The following CYP4A11 variants were observed in gnomAD, a reference collection of about 807,000 sequenced individuals.
The protein encoded by CYP4A11 is cytochrome P450 4A11.
A neutral mutation model predicts 57.7 loss-of-function variants in CYP4A11; 52 were observed. That is an observed-to-expected ratio of 0.90 (90% confidence interval 0.72 to 1.14). CYP4A11 has a LOEUF of 1.14. Among genes scored for constraint, CYP4A11 ranks in the 50% most tolerant of loss-of-function variants. The pLI is 0.00. For synonymous variants in CYP4A11, 228 were observed against 247.1 expected, an observed-to-expected ratio of 0.92 and a Z score of 0.72; for missense variants, 641 against 642.1, an observed-to-expected ratio of 1.00 and a Z score of 0.02.
In CYP4A11 at chr1:46,930,018, G is replaced by T; in HGVS notation, c.*97C>A. On this transcript the variant is annotated 3_prime_UTR_variant, in exon 12 of 12. Transcript: ENST00000310638. The stretch of plus-strand genomic sequence containing the variant: ...CAGACTGGGGGACAGCAGGCAGGTG[G>T]GAAGAAGGGAAGGTGGGCAGACAGA... 2 of 1,419,508 alleles carry T rather than the reference G, an allele frequency of 1.4e-6. No individual in the cohort carries two copies. The highest frequency in any genetic ancestry group is 1.9e-6 in the Non-Finnish European group (2 of 1,061,582). 87.9% of individuals were successfully genotyped at this position (1,419,508 alleles called of 1,614,324 possible). A position where few individuals can be genotyped will look rare whatever the true frequency, so the allele number is the denominator to read the frequency against.
chr1:46,937,352 AG>A lies in CYP4A11; in HGVS notation c.338-7del. On this transcript the variant is annotated splice_polypyrimidine_tract_variant and splice_region_variant and intron_variant, in intron 2 of 11. Coordinates refer to ENST00000310638, the MANE Select transcript of CYP4A11 (RefSeq NM_000778.4). The stretch of plus-strand genomic sequence containing the variant: ...GGAACCATGGGATTTCGGGTCTGAA[AG>A]GCAAGAAAGGGCTTTATAGGAAACT... 1 of 1,614,032 alleles carries A rather than the reference AG, an allele frequency of 6.2e-7. No individual in the cohort carries two copies. The highest frequency in any genetic ancestry group is 8.5e-7 in the Non-Finnish European group (1 of 1,179,920).
At chr1:46,935,205 G>A (rs758614795) in intron 5 of CYP4A11, 51 bp from the exon 6 acceptor site, 29 of 1,581,214 alleles carry the variant, frequency 1.8e-5, no homozygotes, top group South Asian at 1.4e-4. Flanking sequence ...CCCATTACCC[G>A]GAAGTAGAAT....
chr1:46,940,448 T>C (rs911938243), intron 1 of CYP4A11, among the ~76,000 whole-genome samples: 1 of 152,128 alleles, frequency 6.6e-6, no homozygotes, highest in African/African-American at 2.4e-5. Flanking sequence ...ATTTTGCTGA[T>C]TGCCGGGGCA....
chr1:46,935,431 G>A (rs528940696), intron 5 of CYP4A11, 92 bp downstream of exon 5: 20 of 1,518,444 alleles, frequency 1.3e-5, no homozygotes, highest in African/African-American at 9.7e-5. Context: ...TTTGTGTGGC[G>A]GTGAGCCTTC....
intron 2 of CYP4A11, among the ~76,000 whole-genome samples, chr1:46,937,632 A>G (rs1410074850): frequency 6.6e-6 from 1 of 152,222 alleles, no homozygotes; most frequent in Non-Finnish European, 1.5e-5. Context: ...GTTTTTCTAC[A>G]TTGATGATTT....
At chr1:46,933,229 A>T (rs1225368259) in intron 9 of CYP4A11, among the ~76,000 whole-genome samples, 182 bp from the exon 10 acceptor site, 1 of 152,220 alleles carries the variant, frequency 6.6e-6, no homozygotes, top group East Asian at 1.9e-4. Context: ...AGTTCAGATG[A>T]TGAATAGACA....
chr1:46,932,681 C>T, intron 11 of CYP4A11, 80 bp downstream of exon 11: 1 of 1,611,906 alleles, frequency 6.2e-7, no homozygotes, highest in South Asian at 1.1e-5. Context: ...CACATATGAA[C>T]ATCAGGCTCA....
intron 1 of CYP4A11, among the ~76,000 whole-genome samples, chr1:46,938,653 T>A (rs1284322399): frequency 2.6e-5 from 4 of 152,226 alleles, no homozygotes; most frequent in Admixed American, 6.5e-5. Context: ...ATTGTGTGCA[T>A]AATAGTATTC....
chr1:46,941,254 G>C lies in CYP4A11; in HGVS notation c.180C>G (p.Phe60Leu). 2 of 1,613,296 alleles carry C rather than the reference G, an allele frequency of 1.2e-6. No individual in the cohort carries two copies. Among genetic ancestry groups the C allele is most frequent in the Non-Finnish European group, 1.7e-6 (2 of 1,179,546 alleles). ...TCCTCCCTACCTCCTGGATGTGCCC[G>C]AAGAGCCAGTGGGAGGGAGGGCACG... ...QFPCPPSHWL[F>L]GHIQELQQDQ... The change falls in exon 1 of 12, where the codon TTC (phenylalanine) becomes TTG (leucine). Residue 60 changes from phenylalanine to leucine, a missense_variant. Coordinates refer to ENST00000310638, the MANE Select transcript of CYP4A11 (RefSeq NM_000778.4).
At chr1:46,934,686 G>A (rs1382464425) in intron 6 of CYP4A11, 127 bp from the exon 7 acceptor site, 6 of 1,035,794 alleles carry the variant, frequency 5.8e-6, no homozygotes, top group Admixed American at 5.3e-5. Flanking sequence ...TGGGTGCAGG[G>A]TCAGGGGTGG....
Position 46,936,651 on chromosome 1 carries a change from G to C in CYP4A11, c.510+13C>G. 2 of 1,585,462 alleles carry C rather than the reference G, an allele frequency of 1.3e-6. No individual in the cohort carries two copies. Among genetic ancestry groups the C allele is most frequent in the African/African-American group, 2.7e-5 (2 of 74,420 alleles). Reference sequence around the variant, plus strand: ...TGAGTGGGTGTGGGGAGAGGAGAGAGACATGGACTCACCAGCATCACTCGT... The same window carrying C: ...TGAGTGGGTGTGGGGAGAGGAGAGACACATGGACTCACCAGCATCACTCGT... On this transcript the variant is annotated intron_variant, in intron 4 of 11. Coordinates refer to ENST00000310638, the MANE Select transcript of CYP4A11 (RefSeq NM_000778.4).
intron 1 of CYP4A11, among the ~76,000 whole-genome samples, chr1:46,939,112 C>T (rs1395845191): frequency 6.6e-6 from 1 of 152,228 alleles, no homozygotes; most frequent in Non-Finnish European, 1.5e-5. Flanking sequence ...ACATTGGGTC[C>T]TAGTGATGTT....
At chr1:46,932,021 T>C in intron 11 of CYP4A11, 1 of 985,204 alleles carries the variant, frequency 1.0e-6, no homozygotes, top group Non-Finnish European at 1.2e-6. Context: ...ACTGTTCACA[T>C]TTTTATGTTT....
intron 4 of CYP4A11, among the ~76,000 whole-genome samples, chr1:46,936,100 C>G (rs1164877244): frequency 2.6e-5 from 4 of 152,334 alleles, no homozygotes; most frequent in South Asian, 2.1e-4. Context: ...ACAGGGACTT[C>G]AATTCTTTTC....
intron 1 of CYP4A11, 104 bp from the exon 2 acceptor site, chr1:46,938,241 A>C: frequency 1.3e-6 from 2 of 1,486,854 alleles, no homozygotes; most frequent in Non-Finnish European, 1.8e-6. Flanking sequence ...CAGGTTAGGG[A>C]TTTAGATCTG....
chr1:46,934,611 A>C, intron 6 of CYP4A11, 52 bp from the exon 7 acceptor site: 4 of 1,549,076 alleles, frequency 2.6e-6, no homozygotes, highest in Non-Finnish European at 3.5e-6. Flanking sequence ...AGCAGCCCCC[A>C]GGAGGCCTAG....
At position 46,934,051 on chromosome 1, in the gene CYP4A11, T is replaced by G. The variant is rs754944564; in HGVS notation, c.1117A>C (p.Thr373Pro). The G allele has an allele frequency of 3.7e-6, 6 of 1,613,586 alleles. No homozygotes were observed. In the East Asian group the frequency reaches 1.3e-4, roughly 36 times the overall value. Residue 373 changes from threonine (T) to proline (P), a missense_variant, in exon 9 of 12, where the codon ACC becomes CCC. Physicochemically the swap from Thr to Pro is conservative, Grantham distance 38. Transcript: ENST00000310638. ...CTCAGTGCCTCCTTAATGCACATGG[T>G]GGTGTAGGGCATCTGGTCCAGGTGG... ...WNHLDQMPYT[T>P]MCIKEALRLY...
At chr1:46,933,402 TCA>T (rs1374938120) in intron 9 of CYP4A11, among the ~76,000 whole-genome samples, 1 of 152,214 alleles carries the variant, frequency 6.6e-6, no homozygotes, top group Non-Finnish European at 1.5e-5. Context: ...TCTTTTGCTC[TCA>T]GTTTTCAGGG....
At chr1:46,931,230 T>G (rs1042861118) in intron 11 of CYP4A11, among the ~76,000 whole-genome samples, 3 of 152,198 alleles carry the variant, frequency 2.0e-5, no homozygotes, top group Non-Finnish European at 4.4e-5. Flanking sequence ...TAAAGTCAGA[T>G]CCCAGCTGCC....
Sources: gnomAD v4.1 joint callset for allele counts (sites outside exome capture counted in the v4.1 genomes callset) on GRCh38, gnomAD v4.1.1 for gene constraint, MANE v1.5 for transcripts, NCBI Gene and HGNC (gene_info 2026-07-23, HGNC 2026-07-21) for gene names.